The following ZNF638 variants were observed in gnomAD, a reference collection of about 807,000 sequenced individuals.
ZNF638 encodes the protein zinc finger protein 638.
Under a neutral mutation model 195.6 loss-of-function variants are expected in ZNF638, and 46 were observed. The observed-to-expected ratio is 0.24, with a 90% CI of 0.19 to 0.30. ZNF638 has a LOEUF of 0.30. ZNF638 is among the 10% of genes least tolerant of loss of function. ZNF638 has a pLI of 1.00. For synonymous variants in ZNF638, 845 were observed against 772.0 expected, an observed-to-expected ratio of 1.09 and a Z score of -1.57; for missense variants, 2,440 against 2,325.3, an observed-to-expected ratio of 1.05 and a Z score of -1.01.
chr2:71,433,334 A>G, intron 27 of ZNF638, 51 bp downstream of exon 27: 1 of 1,312,532 alleles, frequency 7.6e-7, no homozygotes. Flanking sequence ...TTGTCTTAGA[A>G]TCAAATTATT....
intron 6 of ZNF638, 93 bp downstream of exon 6, chr2:71,365,799 A>G (rs2079186763): frequency 1.6e-6 from 2 of 1,220,118 alleles, no homozygotes; most frequent in Non-Finnish European, 2.3e-6. Flanking sequence ...GGCTCACTGC[A>G]GCCTCGATCT....
intron 20 of ZNF638, among the ~76,000 whole-genome samples, chr2:71,410,686 T>TA (rs1289276358): frequency 6.6e-6 from 1 of 152,060 alleles, no homozygotes; most frequent in Non-Finnish European, 1.5e-5. Context: ...TAAATTGAGA[T>TA]AAAAAGAGAA....
At chr2:71,364,385 C>T in intron 5 of ZNF638, 133 bp downstream of exon 5, 1 of 936,100 alleles carries the variant, frequency 1.1e-6, no homozygotes, top group Non-Finnish European at 1.5e-6. Context: ...ACCCACATGC[C>T]ACAGAGTTAT....
intron 20 of ZNF638, among the ~76,000 whole-genome samples, chr2:71,410,993 T>C (rs150976519): frequency 0.045 from 351 of 7,792 alleles, 3 homozygotes; most frequent in African/African-American, 0.087. Context: ...TCCCCCCCCC[T>C]TTTTTTTTTT....
chr2:71,347,088 G>T (rs921853315), intron 1 of ZNF638, among the ~76,000 whole-genome samples: 1 of 152,170 alleles, frequency 6.6e-6, no homozygotes, highest in African/African-American at 2.4e-5. Context: ...AGTCAAGGGA[G>T]GTTGAATGGG....
intron 10 of ZNF638, among the ~76,000 whole-genome samples, chr2:71,391,999 C>T (rs2079790345): frequency 6.6e-6 from 1 of 152,174 alleles, no homozygotes; most frequent in African/African-American, 2.4e-5. Context: ...TTTTTGCTCA[C>T]ATACTGGGAC....
chr2:71,345,607 C>G (rs1476891303), intron 1 of ZNF638, among the ~76,000 whole-genome samples: 1 of 152,120 alleles, frequency 6.6e-6, no homozygotes, highest in Admixed American at 6.5e-5. Context: ...GCCTCGAACT[C>G]CTGGGCTCAA....
At chr2:71,354,580 A>G (rs1051978778) in intron 2 of ZNF638, among the ~76,000 whole-genome samples, 9 of 152,120 alleles carry the variant, frequency 5.9e-5, no homozygotes, top group African/African-American at 2.2e-4. Context: ...TATTAAAAAT[A>G]CAAAAATTCA....
intron 10 of ZNF638, among the ~76,000 whole-genome samples, chr2:71,385,604 G>C (rs1670430273): frequency 6.6e-6 from 1 of 152,162 alleles, no homozygotes; most frequent in South Asian, 2.1e-4. Context: ...CTACACCTAT[G>C]ATAAAATTTC....
At chr2:71,341,052 G>A (rs189290343) in intron 1 of ZNF638, among the ~76,000 whole-genome samples, 2 of 152,116 alleles carry the variant, frequency 1.3e-5, no homozygotes, top group Non-Finnish European at 2.9e-5. Flanking sequence ...AAAATTAAGG[G>A]CTCCCTTCCT....
At chr2:71,373,437 ATTTTTTTT>A (rs754117239) in intron 8 of ZNF638, among the ~76,000 whole-genome samples, 14 of 71,050 alleles carry the variant, frequency 2.0e-4, no homozygotes, top group African/African-American at 6.2e-4. Flanking sequence ...TCAAGTTTGA[ATTTTTTTT>A]TTTTTTTTTT....
At chr2:71,371,530 A>G (rs1046560835) in intron 8 of ZNF638, among the ~76,000 whole-genome samples, 1 of 152,162 alleles carries the variant, frequency 6.6e-6, no homozygotes, top group African/African-American at 2.4e-5. Context: ...TCTTTTGGAT[A>G]AAAGCCATTT....
intron 26 of ZNF638, 49 bp downstream of exon 26, chr2:71,431,477 C>T (rs1204368290): frequency 1.5e-5 from 23 of 1,542,152 alleles, no homozygotes; most frequent in African/African-American, 9.6e-5. Context: ...ATTTAAAAGT[C>T]GGCCGGGCGC....
At chr2:71,333,690 T>G (rs2078613548) in intron 1 of ZNF638, among the ~76,000 whole-genome samples, 1 of 152,230 alleles carries the variant, frequency 6.6e-6, no homozygotes, top group Admixed American at 6.5e-5. Context: ...AAGATCTGGA[T>G]TCACATCTCC....
rs1224339708 is a variant in ZNF638 at position 71,368,566 on chromosome 2, T to A, written c.2142+38T>A. 3 of 1,604,374 alleles carry A rather than the reference T, an allele frequency of 1.9e-6. No homozygotes were observed. In the South Asian group the frequency reaches 3.3e-5, roughly 18 times the overall value. On this transcript the variant is annotated intron_variant, in intron 7 of 27. Transcript: ENST00000264447. ...GTCTGTGGCAAAAATTCATACAAAG[T>A]GATTGCTTTAATGATTCTATAAATT...
At chr2:71,383,762 CTTT>C (rs1181570876) in intron 10 of ZNF638, among the ~76,000 whole-genome samples, 1 of 76,726 alleles carries the variant, frequency 1.3e-5, no homozygotes, top group Non-Finnish European at 2.3e-5. Context: ...TTTTCTTTTT[CTTT>C]TTTTTTTTTT....
At chr2:71,372,708 C>G (rs1182596990) in intron 8 of ZNF638, among the ~76,000 whole-genome samples, 1 of 152,112 alleles carries the variant, frequency 6.6e-6, no homozygotes, top group Non-Finnish European at 1.5e-5. Context: ...GTGTAGGGTT[C>G]TATTCTACCA....
In ZNF638 at chr2:71,368,262, A is replaced by T. The variant is rs1445553965; in HGVS notation, c.1996-120A>T. The T allele has an allele frequency of 3.4e-6, 3 of 890,536 alleles. No homozygotes were observed. In the African/African-American group the frequency reaches 5.2e-5, roughly 16 times the overall value. The allele number at this position is 890,536 out of a possible 1,614,324, so 55.2% of individuals were successfully genotyped here. A position where few individuals can be genotyped will look rare whatever the true frequency, so the allele number is the denominator to read the frequency against. On this transcript the variant is annotated intron_variant, in intron 6 of 27. Transcript: ENST00000264447. ...AAGGAAAAAGAAAAATGGGTAAAAA[A>T]TATGGAAAAGACCCTTTAGTGTACT...
chr2:71,389,153 T>G (rs2079715050), intron 10 of ZNF638, among the ~76,000 whole-genome samples: 1 of 151,952 alleles, frequency 6.6e-6, no homozygotes, highest in Non-Finnish European at 1.5e-5. Flanking sequence ...CATTACTGGG[T>G]AAAGATACCA....
Sources: gnomAD v4.1 joint callset for allele counts (sites outside exome capture counted in the v4.1 genomes callset) on GRCh38, gnomAD v4.1.1 for gene constraint, MANE v1.5 for transcripts, NCBI Gene and HGNC (gene_info 2026-07-23, HGNC 2026-07-21) for gene names.